SEL1L3: variants seen among roughly 807,000 people sequenced by gnomAD.
SEL1L3 encodes the protein protein sel-1 homolog 3.
In SEL1L3, 76 loss-of-function variants were observed where a neutral mutation model predicts 142.8. The observed-to-expected ratio is 0.53, with a 90% CI of 0.44 to 0.64. The LOEUF (loss-of-function observed/expected upper bound fraction) is 0.64, where lower values mean the gene tolerates loss of function less well. SEL1L3 is among the 30% of genes least tolerant of loss of function. The pLI is 0.00. For synonymous variants in SEL1L3, 504 were observed against 519.6 expected (o/e 0.97, Z 0.41); for missense variants, 1,262 against 1,381.7 (o/e 0.91, Z 1.37).
At chr4:25,771,426 A>G (rs1312742913) in intron 17 of SEL1L3, among the ~76,000 whole-genome samples, 1 of 152,232 alleles carries the variant, frequency 6.6e-6, no homozygotes, top group African/African-American at 2.4e-5. Context: ...GAACTTTTAT[A>G]ATGATACATC....
the SEL1L3 span, among the ~76,000 whole-genome samples, chr4:25,729,425 A>G: frequency 6.6e-6 from 1 of 152,330 alleles, no homozygotes; most frequent in Admixed American, 6.5e-5. Context: ...TTAAATACAT[A>G]TATTTAGGCT....
the SEL1L3 span, among the ~76,000 whole-genome samples, chr4:25,739,985 C>T: frequency 7.9e-5 from 12 of 151,342 alleles, no homozygotes; most frequent in African/African-American, 2.7e-4. Flanking sequence ...TTAATAGAGA[C>T]GAAGGTCTCA....
At chr4:25,804,461 G>A in intron 10 of SEL1L3, 80 bp downstream of exon 10, 2 of 1,059,204 alleles carry the variant, frequency 1.9e-6, no homozygotes, top group Non-Finnish European at 2.9e-6. Context: ...AACATGTCCA[G>A]TTCTACCAGG....
rs550482829 is a variant in SEL1L3 at position 25,748,373 on chromosome 4, A to G, written c.*52T>C. 79 of 1,542,532 alleles carry G rather than the reference A, an allele frequency of 5.1e-5. No homozygotes were observed. The East Asian group carries it at 1.6e-3, about 32-fold the overall frequency. On this transcript the variant is annotated 3_prime_UTR_variant, in exon 24 of 24. Coordinates refer to ENST00000399878, the MANE Select transcript of SEL1L3 (RefSeq NM_015187.5). The stretch of plus-strand genomic sequence containing the variant: ...CATGCCCTGGCCCCAGCTTCCCAAT[A>G]CCAGCTGTTGAAAAGATTCTCTCTC...
intron 11 of SEL1L3, among the ~76,000 whole-genome samples, chr4:25,791,760 AT>A (rs1053244781): frequency 1.3e-5 from 2 of 152,206 alleles, no homozygotes; most frequent in African/African-American, 4.8e-5. Flanking sequence ...CTAAAAATAC[AT>A]AATTTAATGG....
intron 9 of SEL1L3, among the ~76,000 whole-genome samples, chr4:25,808,496 C>T (rs990463445): frequency 4.6e-5 from 7 of 152,166 alleles, no homozygotes; most frequent in Middle Eastern, 3.4e-3. Context: ...AGCGTCTGTT[C>T]GAGAATTCAG....
At chr4:25,781,117 T>G (rs1221190740) in intron 15 of SEL1L3, among the ~76,000 whole-genome samples, 2 of 152,002 alleles carry the variant, frequency 1.3e-5, no homozygotes, top group Non-Finnish European at 1.5e-5. Flanking sequence ...AGTGATGGGA[T>G]TACAGGTGTG....
At chr4:25,823,325 G>C (rs1460508768) in intron 6 of SEL1L3, among the ~76,000 whole-genome samples, 1 of 152,108 alleles carries the variant, frequency 6.6e-6, no homozygotes, top group Non-Finnish European at 1.5e-5. Context: ...AGACCAGCCT[G>C]GCCAACATGG....
intron 9 of SEL1L3, among the ~76,000 whole-genome samples, chr4:25,806,412 C>T (rs1036497955): frequency 4.6e-5 from 7 of 151,960 alleles, no homozygotes; most frequent in South Asian, 2.1e-4. Context: ...GGATTGAACA[C>T]AGAAGAGTAT....
chr4:25,847,278 A>T lies in SEL1L3; in HGVS notation c.733+16T>A. ...AAAAAATGAGAATTAGGTTCCTAGC[A>T]AGATAGATGACCTACCATTTTCCAG... is the stretch of plus-strand genomic sequence containing the variant. On this transcript the variant is annotated intron_variant, in intron 2 of 23. Transcript: ENST00000399878. The T allele has an allele frequency of 6.3e-7, 1 of 1,589,792 alleles. No individual in the cohort carries two copies. Among genetic ancestry groups the T allele is most frequent in the Non-Finnish European group, 8.6e-7 (1 of 1,166,458 alleles).
chr4:25,718,126 T>C, the SEL1L3 span: 2 of 152,198 alleles, frequency 1.3e-5, no homozygotes, highest in Non-Finnish European at 2.9e-5. Context: ...AATAGGAAGA[T>C]AGGCTCAAGA....
Position 25,845,744 on chromosome 4 carries a change from CT to C in SEL1L3, c.733+1549del, listed in dbSNP as rs1179880570. On this transcript the variant is annotated intron_variant, in intron 2 of 23. Transcript: ENST00000399878. Reference sequence around the variant, plus strand: ...CTTAGAGTGCATGTCCTTAAGTCACCTTGTCCCAAACCCATCCTGTTGATGA... The same window carrying C: ...CTTAGAGTGCATGTCCTTAAGTCACCTGTCCCAAACCCATCCTGTTGATGA... Among the ~76,000 whole-genome samples, 3 of 151,562 alleles carry C rather than the reference CT, an allele frequency of 2.0e-5. No homozygotes were observed. In the East Asian group the frequency reaches 5.8e-4, roughly 29 times the overall value.
intron 23 of SEL1L3, among the ~76,000 whole-genome samples, chr4:25,754,626 C>T (rs1420052304): frequency 6.6e-6 from 1 of 151,746 alleles, no homozygotes; most frequent in Non-Finnish European, 1.5e-5. Flanking sequence ...TACTTTTCGG[C>T]CCTTACTACT....
chr4:25,825,128 G>A (rs977643787), intron 6 of SEL1L3, among the ~76,000 whole-genome samples: 6 of 152,162 alleles, frequency 3.9e-5, no homozygotes, highest in African/African-American at 1.4e-4. Context: ...CTGTTTTAGT[G>A]GATCCTTGCA....
chr4:25,863,340 C>T (rs1717883730), upstream of SEL1L3: 2 of 612,074 alleles, frequency 3.3e-6, no homozygotes, highest in Non-Finnish European at 5.9e-6. Flanking sequence ...CGCTCCCAAA[C>T]CCCCTCTCTT....
intron 13 of SEL1L3, among the ~76,000 whole-genome samples, chr4:25,785,526 T>G (rs1163971333): frequency 6.6e-6 from 1 of 152,230 alleles, no homozygotes; most frequent in Non-Finnish European, 1.5e-5. Context: ...GGACCCCAAA[T>G]AAAACTGAAT....
the SEL1L3 span, among the ~76,000 whole-genome samples, chr4:25,726,427 C>T: frequency 6.6e-6 from 1 of 151,190 alleles, no homozygotes; most frequent in Non-Finnish European, 1.5e-5. Flanking sequence ...ACTTAGGAGC[C>T]TGAGACAGGA....
In SEL1L3 at chr4:25,788,335, C is replaced by A. The variant is rs367973325; in HGVS notation, c.2106G>T (p.Gly702=). ...QQRLAQMLFW[G]QQGVAKNPEA... ...CGGGATTCTTGGCCACACCTTGCTG[C>A]CCCCAGAACAGCATCTGGGCCAATC... The change falls in exon 13 of 24, where the codon GGG becomes GGT. Residue 702 remains glycine, a synonymous_variant. Coordinates refer to ENST00000399878, the MANE Select transcript of SEL1L3 (RefSeq NM_015187.5). The surrounding 1 kb of genome is among the most constrained non-coding windows in gnomAD (Gnocchi z 5.3). 6.2e-7 allele frequency: 1 copy of A among 1,613,852 alleles called. No homozygotes were observed. Among genetic ancestry groups the A allele is most frequent in the East Asian group, 2.2e-5 (1 of 44,868 alleles).
the SEL1L3 span, among the ~76,000 whole-genome samples, chr4:25,717,350 C>A: frequency 2.0e-5 from 3 of 152,192 alleles, no homozygotes; most frequent in South Asian, 2.1e-4. Flanking sequence ...TTTTTTGTGG[C>A]TATAATATTT....
Sources: gnomAD v4.1 joint callset for allele counts (sites outside exome capture counted in the v4.1 genomes callset) on GRCh38, gnomAD v4.1.1 for gene constraint, Gnocchi (gnomAD v3.1) non-coding constraint, MANE v1.5 for transcripts, NCBI Gene and HGNC (gene_info 2026-07-23, HGNC 2026-07-21) for gene names.